The following EZH2 variants were observed in gnomAD, a reference collection of about 807,000 sequenced individuals.
EZH2 encodes enhancer of zeste 2 polycomb repressive complex 2 subunit.
In EZH2, 18 loss-of-function variants were observed where a neutral mutation model predicts 98.4. The ratio of observed to expected loss-of-function variants is 0.18; its 90% CI spans 0.13 to 0.27. The LOEUF (loss-of-function observed/expected upper bound fraction) is 0.27. Ranked by LOEUF, EZH2 falls within the 10% of genes least tolerant of loss-of-function variation. The pLI, the probability that EZH2 is intolerant of heterozygous loss-of-function variation, is 1.00. For synonymous variants in EZH2, 338 were observed against 312.3 expected (o/e 1.08, Z -0.87); for missense variants, 470 against 935.1 (o/e 0.50, Z 6.49).
intron 4 of EZH2, among the ~76,000 whole-genome samples, chr7:148,831,977 CAAT>C (rs1378921527): frequency 6.6e-5 from 10 of 152,182 alleles, no homozygotes; most frequent in Admixed American, 6.5e-4. Flanking sequence ...TACATTATCA[CAAT>C]AAAATGCTAC....
intron 1 of EZH2, among the ~76,000 whole-genome samples, chr7:148,879,616 G>A (rs1445408162): frequency 6.6e-6 from 1 of 152,128 alleles, no homozygotes; most frequent in Non-Finnish European, 1.5e-5. Flanking sequence ...TTTGAACCCA[G>A]GAGGTGGAGG....
rs190864422 is a variant in EZH2 at position 148,830,774 on chromosome 7, T to C, written c.364-926A>G. Among the ~76,000 whole-genome samples, 173 of 152,256 alleles carry C rather than the reference T, an allele frequency of 1.1e-3. 1 individual carries two copies. The highest frequency in any genetic ancestry group is 1.7e-3 in the Admixed American group (26 of 15,292). On this transcript the variant is annotated intron_variant, in intron 4 of 19. Coordinates refer to ENST00000320356, the MANE Select transcript of EZH2 (RefSeq NM_004456.5). ...AAAAGTTAAGACAGAATAGAATAGT[T>C]AAGCATACAAGGTAAAGAAAGTTGA... is the stretch of plus-strand genomic sequence containing the variant.
intron 2 of EZH2, 150 bp downstream of exon 2, chr7:148,847,032 G>C (rs2129485316): frequency 1.1e-6 from 1 of 904,844 alleles, no homozygotes; most frequent in South Asian, 1.9e-5. Context: ...TGTTAAGACA[G>C]ATCAAGAACC....
chr7:148,830,358 G>A (rs1292281495), intron 4 of EZH2, among the ~76,000 whole-genome samples: 3 of 152,122 alleles, frequency 2.0e-5, no homozygotes, highest in Non-Finnish European at 4.4e-5. Context: ...CACTTTAGAT[G>A]TTAATAGAGG....
chr7:148,830,991 T>C lies in EZH2; in HGVS notation c.364-1143A>G, dbSNP rs538238671. ...AGAAAGATAATTATAATAAGCAGAA[T>C]GGACTGGCTATGCCTGACTGGGAGG... On this transcript the variant is annotated intron_variant, in intron 4 of 19. Transcript: ENST00000320356. 9.9e-5 allele frequency among the ~76,000 whole-genome samples: 15 copies of C among 152,244 alleles called. 1 individual carries two copies. In the South Asian group the frequency reaches 3.1e-3, roughly 32 times the overall value.
intron 6 of EZH2, 113 bp from the exon 7 acceptor site, chr7:148,827,379 T>C: frequency 4.0e-6 from 3 of 750,652 alleles, no homozygotes; most frequent in Non-Finnish European, 6.4e-6. Context: ...TAAGAAATCA[T>C]CTCTATTTTG....
chr7:148,864,967 A>G (rs188183893), intron 1 of EZH2, among the ~76,000 whole-genome samples: 8 of 152,208 alleles, frequency 5.3e-5, no homozygotes, highest in Non-Finnish European at 1.0e-4. Context: ...TCTCTACTAA[A>G]AATACAAAAA....
intron 1 of EZH2, among the ~76,000 whole-genome samples, chr7:148,871,059 A>G (rs558929983): frequency 6.6e-6 from 1 of 152,326 alleles, no homozygotes; most frequent in South Asian, 2.1e-4. Flanking sequence ...ATGATTTTCA[A>G]TAAATTCAAA....
rs889477675 is a variant in EZH2 at position 148,814,043 on chromosome 7, G to A, written c.1767C>T (p.Leu589=). The A allele has an allele frequency of 1.2e-6, 2 of 1,614,058 alleles. No homozygotes were observed. Among genetic ancestry groups the A allele is most frequent in the African/African-American group, 2.7e-5 (2 of 74,932 alleles). The stretch of plus-strand genomic sequence containing the variant: ...GGTCAGCGGCTCCACAAGTAAGACA[G>A]AGGTCAGGGTCACACTCTCGGACAG... ...YLAVRECDPD[L]CLTCGAADHW... The change falls in exon 15 of 20, where the codon CTC becomes CTT. Residue 589 remains leucine (L), a synonymous_variant. Transcript: ENST00000320356.
chr7:148,841,204 T>C (rs2129483216), intron 3 of EZH2, among the ~76,000 whole-genome samples: 1 of 151,810 alleles, frequency 6.6e-6, no homozygotes, highest in South Asian at 2.1e-4. Context: ...GCTAACCCTT[T>C]GGAAAAGCAT....
At position 148,841,893 on chromosome 7, in the gene EZH2, C is replaced by T. The variant is rs550472464; in HGVS notation, c.246+4577G>A. On this transcript the variant is annotated intron_variant, in intron 3 of 19. Coordinates refer to ENST00000320356, the MANE Select transcript of EZH2 (RefSeq NM_004456.5). ...CACATTATTTTGATAGAAGCTTCTC[C>T]CCCCAAAAAAATCTGCTAATATCAA... Among the ~76,000 whole-genome samples the T allele has an allele frequency of 2.6e-5, 4 of 152,048 alleles. No homozygotes were observed. In the South Asian group the frequency reaches 8.3e-4, roughly 32 times the overall value.
At chr7:148,839,107 A>AGGAAGGAAGGAAGGAAGGAAGGTG (rs1307399209) in intron 3 of EZH2, among the ~76,000 whole-genome samples, 27 of 150,178 alleles carry the variant, frequency 1.8e-4, no homozygotes, top group African/African-American at 5.7e-4. Context: ...GAAGGAAGGA[A>AGGAAGGAAGGAAGGAAGGAAGGTG]AGTGAGTGAG....
chr7:148,840,639 T>G (rs1387922586), intron 3 of EZH2, among the ~76,000 whole-genome samples: 3 of 152,172 alleles, frequency 2.0e-5, no homozygotes, highest in Non-Finnish European at 4.4e-5. Context: ...GTAGTCACAT[T>G]AGCTAGTATA....
chr7:148,839,088 G>GGAAGGAAGGAAGGAAGGAAGGAAGGAAA (rs1562997749), intron 3 of EZH2, among the ~76,000 whole-genome samples: 62 of 140,886 alleles, frequency 4.4e-4, no homozygotes, highest in African/African-American at 1.7e-3. Context: ...AAGGAAGGAA[G>GGAAGGAAGGAAGGAAGGAAGGAAGGAAA]GAAGGAAGGA....
intron 8 of EZH2, among the ~76,000 whole-genome samples, chr7:148,820,424 G>A (rs1386719354): frequency 6.6e-6 from 1 of 152,028 alleles, no homozygotes; most frequent in East Asian, 1.9e-4. Context: ...GGGAAATGCT[G>A]GAAATGGACT....
intron 18 of EZH2, 45 bp from the exon 19 acceptor site, chr7:148,809,200 CG>C (rs778373604): frequency 6.3e-7 from 1 of 1,595,564 alleles, no homozygotes; most frequent in Non-Finnish European, 8.6e-7. Flanking sequence ...AGACGGGCCA[CG>C]GGGGGTTAAC....
At chr7:148,819,501 T>C (rs940660398) in intron 9 of EZH2, 95 bp downstream of exon 9, 5 of 930,514 alleles carry the variant, frequency 5.4e-6, no homozygotes, top group African/African-American at 5.0e-5. Flanking sequence ...CATAACAGCA[T>C]GGGTGCAGAC....
chr7:148,868,618 T>C (rs1411874978), intron 1 of EZH2, among the ~76,000 whole-genome samples: 4 of 152,122 alleles, frequency 2.6e-5, no homozygotes, highest in Admixed American at 1.3e-4. Context: ...ACCCTAGAAC[T>C]TCCATATGGG....
intron 8 of EZH2, 89 bp from the exon 9 acceptor site, chr7:148,819,776 G>A: frequency 8.7e-7 from 1 of 1,144,500 alleles, no homozygotes; most frequent in Non-Finnish European, 1.3e-6. Flanking sequence ...GTCAATTAAT[G>A]GATTATAATC....
Sources: allele counts gnomAD v4.1 joint callset (sites outside exome capture counted in the v4.1 genomes callset), GRCh38; gene constraint gnomAD v4.1.1; transcripts MANE v1.5; gene names NCBI Gene and HGNC (gene_info 2026-07-23, HGNC 2026-07-21).